Variants in LONP2 observed in about 807,000 individuals in gnomAD.
LONP2 encodes lon peptidase 2, peroxisomal.
LONP2 carries 60 observed loss-of-function variants against 85.6 expected under a neutral mutation model. The observed-to-expected ratio is 0.70, with a 90% CI of 0.57 to 0.87. The LOEUF (loss-of-function observed/expected upper bound fraction) is 0.87, where lower values mean the gene tolerates loss of function less well. Among genes scored for constraint, LONP2 ranks in the 40% least tolerant of loss-of-function variants. The probability of loss-of-function intolerance (pLI) is 0.00; values close to 1 mark genes in which losing one functional copy is unlikely to be tolerated. For missense variants in LONP2, 860 were observed against 1,063.5 expected (o/e 0.81, Z 2.66); for synonymous variants, 395 against 389.7 (o/e 1.01, Z -0.16).
At chr16:48,294,901 A>G (rs1215359171) in intron 8 of LONP2, among the ~76,000 whole-genome samples, 3 of 152,130 alleles carry the variant, frequency 2.0e-5, no homozygotes, top group Non-Finnish European at 4.4e-5. Flanking sequence ...TGGCAACCCT[A>G]TTTATAGTAA....
intron 8 of LONP2, among the ~76,000 whole-genome samples, chr16:48,293,747 C>G (rs905457881): frequency 6.6e-6 from 1 of 152,108 alleles, no homozygotes; most frequent in African/African-American, 2.4e-5. Context: ...GCTAACCTGA[C>G]TTAGCAGGAT....
At chr16:48,322,410 A>T (rs1973284713) in intron 11 of LONP2, among the ~76,000 whole-genome samples, 1 of 152,210 alleles carries the variant, frequency 6.6e-6, no homozygotes, top group African/African-American at 2.4e-5. Context: ...CTAGGTCAGG[A>T]TCTTCAGTTT....
chr16:48,334,425 G>A, intron 12 of LONP2, 67 bp downstream of exon 12: 1 of 1,578,610 alleles, frequency 6.3e-7, no homozygotes. Flanking sequence ...AGGCCCCAGG[G>A]CCGTAGGGCC....
intron 8 of LONP2, among the ~76,000 whole-genome samples, chr16:48,287,294 A>G (rs1471071047): frequency 3.3e-5 from 5 of 152,226 alleles, no homozygotes; most frequent in South Asian, 2.1e-4. Flanking sequence ...GAGCCTGCAC[A>G]TTCACATGAA....
intron 11 of LONP2, among the ~76,000 whole-genome samples, chr16:48,312,064 CTGAG>C (rs1973043676): frequency 6.6e-6 from 1 of 152,090 alleles, no homozygotes; most frequent in Non-Finnish European, 1.5e-5. Context: ...CCTCAGCCTC[CTGAG>C]TAGCTGGGAT....
At chr16:48,341,863 G>A (rs984993774) in intron 12 of LONP2, among the ~76,000 whole-genome samples, 2 of 152,144 alleles carry the variant, frequency 1.3e-5, no homozygotes, top group Admixed American at 6.5e-5. Flanking sequence ...GTGCTATCAC[G>A]GCAAGACTCA....
intron 12 of LONP2, 80 bp from the exon 13 acceptor site, chr16:48,347,427 G>A: frequency 1.4e-6 from 2 of 1,403,734 alleles, no homozygotes; most frequent in Non-Finnish European, 2.0e-6. Context: ...TGTGGAGTCA[G>A]CCGACTCTTG....
At chr16:48,264,249 C>G (rs144863339) in intron 6 of LONP2, among the ~76,000 whole-genome samples, 3 of 152,050 alleles carry the variant, frequency 2.0e-5, no homozygotes, top group African/African-American at 7.3e-5. Flanking sequence ...AGCCTGGGAG[C>G]GCTATGGGAG....
intron 11 of LONP2, among the ~76,000 whole-genome samples, chr16:48,324,252 GC>G (rs1157492957): frequency 6.6e-6 from 1 of 152,126 alleles, no homozygotes; most frequent in Non-Finnish European, 1.5e-5. Context: ...TTTAAAGTAG[GC>G]TCAGTTAAAA....
intron 8 of LONP2, among the ~76,000 whole-genome samples, chr16:48,282,648 A>C (rs1261575560): frequency 6.6e-6 from 1 of 152,126 alleles, no homozygotes; most frequent in African/African-American, 2.4e-5. Flanking sequence ...TAAGACAGCA[A>C]ACTTAATCAA....
intron 12 of LONP2, among the ~76,000 whole-genome samples, chr16:48,335,869 T>C (rs180821386): frequency 6.6e-6 from 1 of 152,344 alleles, no homozygotes; most frequent in Admixed American, 6.5e-5. Flanking sequence ...AAGCATTGTT[T>C]TGATTATTTG....
chr16:48,290,696 T>G (rs1972542049), intron 8 of LONP2, among the ~76,000 whole-genome samples: 1 of 152,212 alleles, frequency 6.6e-6, no homozygotes, highest in South Asian at 2.1e-4. Context: ...ACCAGTCTTC[T>G]TGCACCTGGG....
intron 11 of LONP2, among the ~76,000 whole-genome samples, chr16:48,330,233 GT>G (rs1171034252): frequency 6.6e-6 from 1 of 152,148 alleles, no homozygotes; most frequent in Non-Finnish European, 1.5e-5. Flanking sequence ...TTAACCATTT[GT>G]TAAGAACCAC....
chr16:48,316,387 C>T (rs1344230690), intron 11 of LONP2, among the ~76,000 whole-genome samples: 2 of 139,386 alleles, frequency 1.4e-5, no homozygotes, highest in African/African-American at 2.8e-5. Context: ...CATGCAGTGG[C>T]GTGACCTTGG....
In LONP2 at chr16:48,320,009, A is replaced by G. The variant is rs1053845522; in HGVS notation, c.1796-14207A>G. On this transcript the variant is annotated intron_variant, in intron 11 of 14. Coordinates refer to ENST00000285737, the MANE Select transcript of LONP2 (RefSeq NM_031490.5). ...AACCCCATCTCTACTGAAATACAAA[A>G]ATTAGCCAGGCATGGTGGCAGGGGC... Among the ~76,000 whole-genome samples the G allele has an allele frequency of 2.6e-5, 4 of 151,832 alleles. No homozygotes were observed. The East Asian group carries it at 7.7e-4, about 29-fold the overall frequency.
Position 48,353,816 on chromosome 16 carries a change from G to A in LONP2, c.*2014G>A, listed in dbSNP as rs1176104946. On this transcript the variant is annotated 3_prime_UTR_variant, in exon 15 of 15. Transcript: ENST00000285737. ...CAGGGGCAACAAGGATATAACTTGG[G>A]GTTCTCGGTATTCTTCCTTTAGTCC... The A allele has an allele frequency of 6.6e-6, 1 of 152,018 alleles. No individual in the cohort carries two copies. Among genetic ancestry groups the A allele is most frequent in the East Asian group, 1.9e-4 (1 of 5,178 alleles). 9.4% of individuals were successfully genotyped at this position (152,018 alleles called of 1,614,324 possible). A position where few individuals can be genotyped will look rare whatever the true frequency, so the allele number is the denominator to read the frequency against.
intron 9 of LONP2, among the ~76,000 whole-genome samples, chr16:48,296,668 A>G (rs1160471779): frequency 6.6e-6 from 1 of 150,860 alleles, no homozygotes; most frequent in African/African-American, 2.4e-5. Context: ...GGGAGGTTGC[A>G]GTGAGCCTCA....
intron 12 of LONP2, among the ~76,000 whole-genome samples, chr16:48,338,607 A>G (rs1959722743): frequency 6.6e-6 from 1 of 152,154 alleles, no homozygotes. Flanking sequence ...TTTTGAACAC[A>G]TTACAGTTGA....
In LONP2 at chr16:48,258,635, C is replaced by T; in HGVS notation, c.618C>T (p.Ser206=). 1 of 1,601,840 alleles carries T rather than the reference C, an allele frequency of 6.2e-7. No individual in the cohort carries two copies. Among genetic ancestry groups the T allele is most frequent in the African/African-American group, 1.3e-5 (1 of 74,092 alleles). Residue 206 remains serine, a synonymous_variant, in exon 4 of 15, where the codon AGC becomes AGT. Transcript: ENST00000285737. ...KEKLQILDAV[S]LEERFKMTIP... ...TTCCTTAGATTTTAGATGCTGTGAGCCTAGAGGAGCGGTTCAAGATGACTA... is the reference window on the plus strand; with the variant it reads ...TTCCTTAGATTTTAGATGCTGTGAGTCTAGAGGAGCGGTTCAAGATGACTA...
Sources: gnomAD v4.1 joint callset for allele counts (sites outside exome capture counted in the v4.1 genomes callset) on GRCh38, gnomAD v4.1.1 for gene constraint, MANE v1.5 for transcripts, NCBI Gene and HGNC (gene_info 2026-07-23, HGNC 2026-07-21) for gene names.